Variants in CDH20 observed in about 807,000 individuals in gnomAD.
CDH20 encodes cadherin 20, also known as cadherin-20.
CDH20 carries 29 observed loss-of-function variants against 74.2 expected under a neutral mutation model. The observed-to-expected ratio is 0.39, with a 90% CI of 0.29 to 0.53. The LOEUF is 0.53. Among genes scored for constraint, CDH20 ranks in the 20% least tolerant of loss-of-function variants. The probability of loss-of-function intolerance (pLI) is 0.69; values close to 1 mark genes in which losing one functional copy is unlikely to be tolerated. For synonymous variants in CDH20, 469 were observed against 405.4 expected (o/e 1.16, Z -1.88); for missense variants, 988 against 1,048.3 (o/e 0.94, Z 0.79).
chr18:61,339,161 GT>G (rs917925883), intron 1 of CDH20, among the ~76,000 whole-genome samples: 2 of 151,756 alleles, frequency 1.3e-5, no homozygotes, highest in African/African-American at 4.8e-5. Flanking sequence ...AAGTTAATGG[GT>G]TTTTTTCTTA....
intron 1 of CDH20, among the ~76,000 whole-genome samples, chr18:61,376,702 C>A (rs925089429): frequency 6.6e-6 from 1 of 152,112 alleles, no homozygotes; most frequent in African/African-American, 2.4e-5. Flanking sequence ...AAGACAGTTT[C>A]TTTATGAGTA....
chr18:61,492,918 T>A (rs1036548120), intron 2 of CDH20, among the ~76,000 whole-genome samples: 11 of 152,240 alleles, frequency 7.2e-5, no homozygotes, highest in African/African-American at 2.4e-4. Context: ...AATAAATGAA[T>A]GTCTCACTGT....
intron 1 of CDH20, among the ~76,000 whole-genome samples, chr18:61,427,792 G>A (rs768348087): frequency 5.9e-5 from 9 of 152,108 alleles, no homozygotes; most frequent in Non-Finnish European, 1.2e-4. Context: ...CTCCAGCTCT[G>A]TGGTTCTGAA....
At chr18:61,413,216 G>A (rs1326378424) in intron 1 of CDH20, among the ~76,000 whole-genome samples, 1 of 152,020 alleles carries the variant, frequency 6.6e-6, no homozygotes, top group Non-Finnish European at 1.5e-5. Flanking sequence ...CTTATTTTGG[G>A]GTTTCGGAAT....
At chr18:61,549,710 C>T (rs1913366477) in intron 10 of CDH20, among the ~76,000 whole-genome samples, 1 of 150,290 alleles carries the variant, frequency 6.7e-6, no homozygotes, top group African/African-American at 2.5e-5. Context: ...TTGCCTTGGG[C>T]ACTTTATGTC....
chr18:61,439,640 A>G (rs948937334), intron 1 of CDH20, among the ~76,000 whole-genome samples: 30 of 152,202 alleles, frequency 2.0e-4, no homozygotes, highest in Admixed American at 1.4e-3. Flanking sequence ...TTATAATTAG[A>G]GTGCATATTA....
intron 7 of CDH20, among the ~76,000 whole-genome samples, chr18:61,529,455 T>C (rs1302487751): frequency 6.6e-6 from 1 of 152,202 alleles, no homozygotes; most frequent in African/African-American, 2.4e-5. Context: ...GGCATTAAAA[T>C]GGCAAAAACG....
rs545657295 is a variant in CDH20 at position 61,474,355 on chromosome 18, T to G, written c.-152-16047T>G. On this transcript the variant is annotated intron_variant, in intron 1 of 11. Transcript: ENST00000262717. ...GTGGATATCATTATTAAGCTGCACT[T>G]TGACCTTTTCTCCTCTTGCCTTAAA... 1.8e-4 allele frequency among the ~76,000 whole-genome samples: 27 copies of G among 152,332 alleles called. No homozygotes were observed. In the South Asian group the frequency reaches 5.2e-3, roughly 29 times the overall value.
chr18:61,430,647 C>T lies in CDH20; in HGVS notation c.-152-59755C>T, dbSNP rs555157500. 3.4e-4 allele frequency among the ~76,000 whole-genome samples: 51 copies of T among 152,220 alleles called. 1 individual carries two copies. Among genetic ancestry groups the T allele is most frequent in the African/African-American group, 1.2e-3 (50 of 41,536 alleles). ...CTGCCATTTAATTAATAATTTTTTT[C>T]AGTATGAACTAATGGATATTCATTG... On this transcript the variant is annotated intron_variant, in intron 1 of 11. Transcript: ENST00000262717.
chr18:61,531,544 T>C (rs914883660), intron 7 of CDH20, among the ~76,000 whole-genome samples: 2 of 152,176 alleles, frequency 1.3e-5, no homozygotes, highest in Non-Finnish European at 2.9e-5. Context: ...TAAATAACAA[T>C]TTATGCTTAA....
chr18:61,525,362 AAC>A (rs1912357497), intron 6 of CDH20, among the ~76,000 whole-genome samples: 1 of 152,186 alleles, frequency 6.6e-6, no homozygotes, highest in Non-Finnish European at 1.5e-5. Flanking sequence ...ACCTAACACA[AAC>A]AACGGTGTCC....
intron 11 of CDH20, among the ~76,000 whole-genome samples, chr18:61,551,394 T>C (rs951423220): frequency 6.6e-6 from 1 of 152,190 alleles, no homozygotes; most frequent in African/African-American, 2.4e-5. Flanking sequence ...GATATTCACA[T>C]ACACCCTTGA....
intron 1 of CDH20, among the ~76,000 whole-genome samples, chr18:61,401,657 C>G (rs17810006): frequency 0.19 from 29,314 of 152,184 alleles, 2,970 homozygotes; most frequent in Non-Finnish European, 0.24. Flanking sequence ...ATGTTGCAGA[C>G]TAATGCATAT....
chr18:61,352,794 T>C (rs1387384973), intron 1 of CDH20, among the ~76,000 whole-genome samples: 2 of 152,234 alleles, frequency 1.3e-5, no homozygotes, highest in Non-Finnish European at 2.9e-5. Flanking sequence ...GACTCTTTCC[T>C]GTAACTGCCC....
intron 1 of CDH20, among the ~76,000 whole-genome samples, chr18:61,412,700 T>C (rs963927068): frequency 2.0e-5 from 3 of 152,234 alleles, no homozygotes; most frequent in African/African-American, 7.2e-5. Flanking sequence ...ATAATCAAGC[T>C]ATTGCTTTAA....
chr18:61,482,829 G>A (rs1910634440), intron 1 of CDH20, among the ~76,000 whole-genome samples: 1 of 152,058 alleles, frequency 6.6e-6, no homozygotes, highest in Admixed American at 6.6e-5. Context: ...AAAACCTTCA[G>A]TTGCTCACTA....
rs776056053 is a variant in CDH20 at position 61,490,504 on chromosome 18, G to C, written c.-50G>C. On this transcript the variant is annotated 5_prime_UTR_variant, in exon 2 of 12. Coordinates refer to ENST00000262717, the MANE Select transcript of CDH20 (RefSeq NM_031891.4). ...TTTTTTAAATTTGGAAAATACTCAA[G>C]TTCCAGTTGCTTATCATTCTCCTTC... The C allele has an allele frequency of 1.9e-6, 3 of 1,582,918 alleles. No individual in the cohort carries two copies. The East Asian group carries it at 6.8e-5, about 36-fold the overall frequency.
At chr18:61,468,519 A>T (rs1910047811) in intron 1 of CDH20, among the ~76,000 whole-genome samples, 1 of 152,184 alleles carries the variant, frequency 6.6e-6, no homozygotes, top group African/African-American at 2.4e-5. Context: ...ATCTCTCCTA[A>T]GCATATTTAA....
At chr18:61,391,401 C>T (rs772802927) in intron 1 of CDH20, among the ~76,000 whole-genome samples, 33 of 151,992 alleles carry the variant, frequency 2.2e-4, no homozygotes, top group Non-Finnish European at 4.3e-4. Context: ...GTTGGTTTGG[C>T]AACTAATATA....
Sources: allele counts gnomAD v4.1 joint callset (sites outside exome capture counted in the v4.1 genomes callset), GRCh38; gene constraint gnomAD v4.1.1; transcripts MANE v1.5; gene names NCBI Gene and HGNC (gene_info 2026-07-23, HGNC 2026-07-21).